The following NEB variants were observed in gnomAD, a reference collection of about 807,000 sequenced individuals.
NEB encodes nebulin, also known as nemaline myopathy type 2.
NEB carries 512 observed loss-of-function variants against 952.2 expected under a neutral mutation model. The ratio of observed to expected loss-of-function variants is 0.54; its 90% CI spans 0.50 to 0.58. The LOEUF is 0.58. Ranked by LOEUF, NEB falls within the 20% of genes least tolerant of loss-of-function variation. The pLI, the probability that NEB is intolerant of heterozygous loss-of-function variation, is 0.00. For synonymous variants in NEB, 2,900 were observed against 3,149.8 expected, an observed-to-expected ratio of 0.92 and a Z score of 2.66; for missense variants, 8,428 against 9,231.1, an observed-to-expected ratio of 0.91 and a Z score of 3.56.
chr2:151,510,243 T>A (rs2073067594), intron 161 of NEB, among the ~76,000 whole-genome samples: 1 of 152,088 alleles, frequency 6.6e-6, no homozygotes, highest in Non-Finnish European at 1.5e-5. Flanking sequence ...CCTGGGGAGT[T>A]TTTTTTAGAC....
chr2:151,569,487 A>G, intron 109 of NEB, 115 bp from the exon 110 acceptor site: 6 of 786,458 alleles, frequency 7.6e-6, no homozygotes, highest in Non-Finnish European at 1.3e-5. Context: ...CAAGGAGGAC[A>G]TACTCAAGCA....
In NEB at chr2:151,707,008, G is replaced by A; in HGVS notation, c.1036-11C>T. ...TTCTTTGTATTTTACCTGTAGGAGTGAAATAAAATGATAAAGTAACTCTAT... is the reference window on the plus strand; with the variant it reads ...TTCTTTGTATTTTACCTGTAGGAGTAAAATAAAATGATAAAGTAACTCTAT... On this transcript the variant is annotated splice_polypyrimidine_tract_variant and intron_variant, in intron 12 of 181. Coordinates refer to ENST00000397345, the MANE Select transcript of NEB (RefSeq NM_001164508.2). The A allele has an allele frequency of 6.7e-7, 1 of 1,495,706 alleles. No homozygotes were observed. The highest frequency in any genetic ancestry group is 9.1e-7 in the Non-Finnish European group (1 of 1,094,726). The allele number at this position is 1,495,706 out of a possible 1,614,324, so 92.7% of individuals were successfully genotyped here. A position where few individuals can be genotyped will look rare whatever the true frequency, so the allele number is the denominator to read the frequency against.
intron 173 of NEB, among the ~76,000 whole-genome samples, chr2:151,494,633 GT>G (rs1034174615): frequency 2.1e-4 from 31 of 150,552 alleles, no homozygotes; most frequent in African/African-American, 7.1e-4. Flanking sequence ...TCAGCTGTTT[GT>G]TTTTTTTTGT....
chr2:151,546,313 G>A (rs2094682297), intron 134 of NEB, 32 bp downstream of exon 134: 1 of 1,545,850 alleles, frequency 6.5e-7, no homozygotes, highest in Non-Finnish European at 8.9e-7. Context: ...CTGTGCGGGG[G>A]GTAATTATGC....
intron 83 of NEB, 87 bp downstream of exon 83, chr2:151,607,417 G>A: frequency 1.4e-6 from 1 of 711,028 alleles, no homozygotes; most frequent in Non-Finnish European, 2.2e-6. Context: ...AACATTGCAA[G>A]GTAGGTAATT....
intron 9 of NEB, among the ~76,000 whole-genome samples, chr2:151,722,027 A>G (rs565737442): frequency 2.6e-5 from 4 of 152,300 alleles, no homozygotes; most frequent in African/African-American, 4.8e-5. Flanking sequence ...TTAGACCTCA[A>G]AAGTTGGAGA....
At chr2:151,626,767 G>A (rs529946520) in intron 70 of NEB, among the ~76,000 whole-genome samples, 3 of 152,180 alleles carry the variant, frequency 2.0e-5, no homozygotes, top group South Asian at 4.1e-4. Flanking sequence ...CTCATGATCC[G>A]CCTGCCTTGG....
chr2:151,659,284 AAATT>A lies in NEB; in HGVS notation c.5971-119_5971-116del, dbSNP rs1308995994. The A allele has an allele frequency of 6.9e-5, 40 of 580,924 alleles. No homozygotes were observed. In the South Asian group the frequency reaches 7.5e-4, roughly 11 times the overall value. 36.0% of individuals were successfully genotyped at this position (580,924 alleles called of 1,614,324 possible). On this transcript the variant is annotated intron_variant, in intron 46 of 181. Coordinates refer to ENST00000397345, the MANE Select transcript of NEB (RefSeq NM_001164508.2). ...TCATGTATTTTTATTAGCTAGGTTT[AAATT>A]AATTAATTTATTTATTTATTATTTT...
chr2:151,506,332 AC>A, intron 163 of NEB, 74 bp from the exon 164 acceptor site: 1 of 1,113,732 alleles, frequency 9.0e-7, no homozygotes, highest in Non-Finnish European at 1.3e-6. Flanking sequence ...AAAGACTAGG[AC>A]ACATGGCTTT....
At chr2:151,722,257 C>T (rs572364790) in intron 9 of NEB, among the ~76,000 whole-genome samples, 2 of 152,298 alleles carry the variant, frequency 1.3e-5, no homozygotes, top group Admixed American at 1.3e-4. Flanking sequence ...TCAATATGGC[C>T]TCCCGCAAAT....
rs76523290 is a variant in NEB, at chr2:151,619,402, C to G, written c.10872+49G>C. 21 of 1,516,172 alleles carry G rather than the reference C, an allele frequency of 1.4e-5. No homozygotes were observed. In the East Asian group the frequency reaches 4.1e-4, roughly 30 times the overall value. The allele number at this position is 1,516,172 out of a possible 1,614,324, so 93.9% of individuals were successfully genotyped here. ...TGGCACTAGTCAGAACTCACAGACA[C>G]GTTTCAGATCCGCTTTTAACATGCA... On this transcript the variant is annotated intron_variant, in intron 73 of 181. Coordinates refer to ENST00000397345, the MANE Select transcript of NEB (RefSeq NM_001164508.2).
Position 151,667,859 on chromosome 2 carries a change from C to A in NEB, c.4664G>T (p.Arg1555Ile), listed in dbSNP as rs183333679. The A allele has an allele frequency of 6.2e-7, 1 of 1,612,866 alleles. No individual in the cohort carries two copies. The highest frequency in any genetic ancestry group is 1.3e-5 in the African/African-American group (1 of 74,882). ...AGCAACAATTGGGATGGCATCTGGT[C>A]TCAAATCATAGCCCTTGGCAATGGT... ...KKTIAKGYDL[R>I]PDAIPIVAAK... Residue 1555 changes from arginine (R) to isoleucine (I), a missense_variant, in exon 40 of 182, where the codon AGA becomes ATA. Arg to Ile is a moderately conservative substitution (Grantham distance 97). Around this residue, in one of 11 missense-constraint regions of NEB, gnomAD observed 2,851 missense variants for 2,791.5 expected, o/e 1.02. Transcript: ENST00000397345.
chr2:151,493,993 A>C, intron 174 of NEB, 126 bp from the exon 175 acceptor site: 1 of 889,872 alleles, frequency 1.1e-6, no homozygotes, highest in South Asian at 1.7e-5. Flanking sequence ...CTCAAGAAGA[A>C]AGCTTAAAAA....
At position 151,513,675 on chromosome 2, in the gene NEB, G is replaced by C; in HGVS notation, c.23146C>G (p.Leu7716Val). The C allele has an allele frequency of 6.2e-7, 1 of 1,603,600 alleles. No homozygotes were observed. The highest frequency in any genetic ancestry group is 1.1e-5 in the South Asian group (1 of 88,764). ...ILNEKEYKRDLELEVKGRGLN... is the reference protein window; with the variant it reads ...ILNEKEYKRDVELEVKGRGLN... The stretch of plus-strand genomic sequence containing the variant: ...CCTCTTCCTTTGACTTCCAGTTCCA[G>C]GTCTCGCTTATATTCTTTCTATAGT... The change falls in exon 160 of 182, where the codon CTG (leucine) becomes GTG (valine). Residue 7716 changes from leucine to valine, a missense_variant. Leu to Val is a conservative substitution (Grantham distance 32). Around this residue, in one of 11 missense-constraint regions of NEB, gnomAD observed 3,374 missense variants for 3,651.5 expected, o/e 0.92. Coordinates refer to ENST00000397345, the MANE Select transcript of NEB (RefSeq NM_001164508.2).
At chr2:151,615,979 G>A (rs370838616) in intron 76 of NEB, 23 bp downstream of exon 76, 2 of 1,541,240 alleles carry the variant, frequency 1.3e-6, no homozygotes, top group South Asian at 2.4e-5. Context: ...ATAAGAAATG[G>A]CTTTTCCAAA....
chr2:151,555,481 G>C (rs556591659), intron 124 of NEB, among the ~76,000 whole-genome samples: 1 of 152,264 alleles, frequency 6.6e-6, no homozygotes, highest in Non-Finnish European at 1.5e-5. Context: ...TGAAAAGTCT[G>C]CTGCTAAGAA....
intron 66 of NEB, 28 bp downstream of exon 66, chr2:151,631,115 G>C (rs1347536175): frequency 6.2e-7 from 1 of 1,610,706 alleles, no homozygotes; most frequent in South Asian, 1.1e-5. Context: ...CTGGCATCTT[G>C]GAGAAGCTTA....
chr2:151,639,948 T>C lies in NEB; in HGVS notation c.8798A>G (p.Tyr2933Cys). ...RATEILSDKI[Y>C]RQPPDRFKFT... ...TTTGAATCTGTCTGGAGGCTGGCGA[T>C]AGATTTTATCACTCAAAATTTCAGT... is the stretch of plus-strand genomic sequence containing the variant. Residue 2933 changes from tyrosine to cysteine, a missense_variant, in exon 62 of 182, where the codon TAT becomes TGT. Transcript: ENST00000397345. 1 of 1,614,018 alleles carries C rather than the reference T, an allele frequency of 6.2e-7. No homozygotes were observed. The highest frequency in any genetic ancestry group is 2.2e-5 in the East Asian group (1 of 44,880).
Position 151,546,001 on chromosome 2 carries a change from TAAAAA to T in NEB, c.20467-8_20467-4del. 2 of 948,528 alleles carry T rather than the reference TAAAAA, an allele frequency of 2.1e-6. No individual in the cohort carries two copies. Among genetic ancestry groups the T allele is most frequent in the Non-Finnish European group, 1.6e-6 (1 of 643,018 alleles). 58.8% of individuals were successfully genotyped at this position (948,528 alleles called of 1,614,324 possible). ...TTATCAGTGTATAGGTAATTAGACTTAAAAAAAAAAAAAAAAACAGAAATACAAGT... is the reference window on the plus strand; with the variant it reads ...TTATCAGTGTATAGGTAATTAGACTTAAAAAAAAAAAACAGAAATACAAGT... On this transcript the variant is annotated splice_polypyrimidine_tract_variant and splice_region_variant and intron_variant, in intron 134 of 181. Coordinates refer to ENST00000397345, the MANE Select transcript of NEB (RefSeq NM_001164508.2).
Sources: gnomAD v4.1 joint callset for allele counts (sites outside exome capture counted in the v4.1 genomes callset) on GRCh38, gnomAD v4.1.1 for gene constraint, gnomAD v4.1.1 regional missense constraint, MANE v1.5 for transcripts, NCBI Gene and HGNC (gene_info 2026-07-23, HGNC 2026-07-21) for gene names.